YWHAH: variants seen among roughly 807,000 people sequenced by gnomAD.
YWHAH encodes the protein 14-3-3 protein eta.
In YWHAH, 6 loss-of-function variants were observed where a neutral mutation model predicts 22.9. That is an observed-to-expected ratio of 0.26 (90% confidence interval 0.14 to 0.52). YWHAH has a LOEUF of 0.52. Among genes scored for constraint, YWHAH ranks in the 20% least tolerant of loss-of-function variants. The probability of loss-of-function intolerance (pLI) is 0.97; values close to 1 mark genes in which losing one functional copy is unlikely to be tolerated. For missense variants in YWHAH, 173 were observed against 308.6 expected (o/e 0.56, Z 3.29); for synonymous variants, 135 against 124.5 (o/e 1.08, Z -0.56).
Position 31,944,724 on chromosome 22 carries a change from C to G in YWHAH, c.-10C>G. ...TGTGAGGCGCGAGGCGAGGCCGAGC[C>G]GCGAGCGACATGGGGGACCGGGAGC... On this transcript the variant is annotated 5_prime_UTR_variant, in exon 1 of 2. Coordinates refer to ENST00000248975, the MANE Select transcript of YWHAH (RefSeq NM_003405.4). 7.2e-7 allele frequency: 1 copy of G among 1,393,058 alleles called. No homozygotes were observed. Among genetic ancestry groups the G allele is most frequent in the Non-Finnish European group, 9.4e-7 (1 of 1,065,260 alleles). The allele number at this position is 1,393,058 out of a possible 1,614,324, so 86.3% of individuals were successfully genotyped here. A position where few individuals can be genotyped will look rare whatever the true frequency, so the allele number is the denominator to read the frequency against.
intron 1 of YWHAH, among the ~76,000 whole-genome samples, chr22:31,955,047 C>T (rs750798268): frequency 1.3e-5 from 2 of 152,174 alleles, no homozygotes; most frequent in African/African-American, 4.8e-5. Flanking sequence ...TTTAACTCTT[C>T]CACTTAAAAT....
rs767498575 is a variant in YWHAH at position 31,956,314 on chromosome 22, A to G, written c.263A>G (p.Lys88Arg). The G allele has an allele frequency of 1.9e-6, 3 of 1,614,198 alleles. No individual in the cohort carries two copies. In the South Asian group the frequency reaches 3.3e-5, roughly 18 times the overall value. ...GAGAAAGTTAAAGCTTACCGGGAGA[A>G]GATTGAGAAGGAGCTGGAGACAGTT... ...KLEKVKAYRE[K>R]IEKELETVCN... The change falls in exon 2 of 2, where the codon AAG becomes AGG. Residue 88 changes from lysine to arginine, a missense_variant. Coordinates refer to ENST00000248975, the MANE Select transcript of YWHAH (RefSeq NM_003405.4). The surrounding 1 kb of genome is among the most constrained non-coding windows in gnomAD (Gnocchi z 5.1).
At chr22:31,952,573 G>T (rs1044060973) in intron 1 of YWHAH, among the ~76,000 whole-genome samples, 1 of 152,110 alleles carries the variant, frequency 6.6e-6, no homozygotes, top group Admixed American at 6.5e-5. Flanking sequence ...TTATTTCCTA[G>T]TTAGGCTCTG....
rs1216140411 is a variant in YWHAH, at chr22:31,956,486, T to A, written c.435T>A (p.Ser145Arg). 3 of 1,614,184 alleles carry A rather than the reference T, an allele frequency of 1.9e-6. No individual in the cohort carries two copies. The change falls in exon 2 of 2, where the codon AGT becomes AGA. Residue 145 changes from serine to arginine, a missense_variant. Transcript: ENST00000248975. The surrounding 1 kb of genome is among the most constrained non-coding windows in gnomAD (Gnocchi z 5.1). ...TCGCTTCTGGGGAGAAGAAAAACAG[T>A]GTGGTCGAAGCTTCTGAAGCTGCCT... ...AEVASGEKKN[S>R]VVEASEAAYK...
At chr22:31,951,472 G>A (rs1054500194) in intron 1 of YWHAH, among the ~76,000 whole-genome samples, 1 of 152,120 alleles carries the variant, frequency 6.6e-6, no homozygotes, top group Non-Finnish European at 1.5e-5. Context: ...GCAGCTCGGG[G>A]GTGGCATTTT....
At chr22:31,949,834 G>A (rs1392277879) in intron 1 of YWHAH, among the ~76,000 whole-genome samples, 1 of 152,144 alleles carries the variant, frequency 6.6e-6, no homozygotes, top group African/African-American at 2.4e-5. Flanking sequence ...ATGAGGCAAA[G>A]GGATAATATG....
chr22:31,952,804 A>G (rs1694963835), intron 1 of YWHAH, among the ~76,000 whole-genome samples: 1 of 152,240 alleles, frequency 6.6e-6, no homozygotes, highest in South Asian at 2.1e-4. Flanking sequence ...GCTTACAGAT[A>G]CACCCAAACT....
intron 1 of YWHAH, chr22:31,945,078 G>T: frequency 9.1e-7 from 1 of 1,094,878 alleles, no homozygotes; most frequent in Non-Finnish European, 1.1e-6. Context: ...GGGGCGGGCC[G>T]GTCGGGGTCG....
At chr22:31,950,928 G>C (rs1030809628) in intron 1 of YWHAH, among the ~76,000 whole-genome samples, 1 of 152,072 alleles carries the variant, frequency 6.6e-6, no homozygotes, top group Non-Finnish European at 1.5e-5. Context: ...ACAGAGTCTT[G>C]CTCTGTCGCC....
chr22:31,946,635 G>T (rs1020169248), intron 1 of YWHAH, among the ~76,000 whole-genome samples: 17 of 152,208 alleles, frequency 1.1e-4, no homozygotes, highest in African/African-American at 3.9e-4. Context: ...TGGCTAGAAG[G>T]TGTGTTCTGG....
chr22:31,947,234 A>G (rs1364099171), intron 1 of YWHAH, among the ~76,000 whole-genome samples: 1 of 152,134 alleles, frequency 6.6e-6, no homozygotes, highest in East Asian at 1.9e-4. Flanking sequence ...TGTAGGGAGG[A>G]TGGAGCAGGA....
chr22:31,952,085 A>G (rs892419183), intron 1 of YWHAH, among the ~76,000 whole-genome samples: 2 of 152,228 alleles, frequency 1.3e-5, no homozygotes, highest in Non-Finnish European at 2.9e-5. Context: ...TCTTGGTGTT[A>G]GAGCGGAAAG....
chr22:31,945,618 A>G (rs2093833071), intron 1 of YWHAH: 3 of 1,298,110 alleles, frequency 2.3e-6, no homozygotes, highest in African/African-American at 3.0e-5. Context: ...GTCACACACC[A>G]CCTGCATTTC....
Position 31,956,043 on chromosome 22 carries a change from G to C in YWHAH, c.88-96G>C, listed in dbSNP as rs917577054. ...GAGTGACTGACCTGTTCGTAATTCCGTTCTTGAGAAGGATTGTTGATTATG... is the reference window on the plus strand; with the variant it reads ...GAGTGACTGACCTGTTCGTAATTCCCTTCTTGAGAAGGATTGTTGATTATG... On this transcript the variant is annotated intron_variant, in intron 1 of 1. Transcript: ENST00000248975. The surrounding 1 kb of genome is among the most constrained non-coding windows in gnomAD (Gnocchi z 5.1). 2.1e-6 allele frequency: 3 copies of C among 1,429,162 alleles called. No homozygotes were observed. In the African/African-American group the frequency reaches 4.3e-5, roughly 20 times the overall value. The allele number at this position is 1,429,162 out of a possible 1,614,324, so 88.5% of individuals were successfully genotyped here. A position where few individuals can be genotyped will look rare whatever the true frequency, so the allele number is the denominator to read the frequency against.
At chr22:31,954,506 G>C (rs1481085958) in intron 1 of YWHAH, among the ~76,000 whole-genome samples, 1 of 152,114 alleles carries the variant, frequency 6.6e-6, no homozygotes, top group East Asian at 1.9e-4. Flanking sequence ...GTTTCCTAGG[G>C]GGTGCTGAAC....
chr22:31,945,107 C>A, intron 1 of YWHAH: 1 of 1,075,996 alleles, frequency 9.3e-7, no homozygotes, highest in South Asian at 3.7e-5. Flanking sequence ...TAGTTCGGAA[C>A]CCGGCCGGGG....
chr22:31,956,144 A>G lies in YWHAH; in HGVS notation c.93A>G (p.Thr31=), dbSNP rs1440804211. The G allele has an allele frequency of 1.9e-6, 3 of 1,594,802 alleles. No individual in the cohort carries two copies. The highest frequency in any genetic ancestry group is 4.5e-5 in the East Asian group (2 of 44,662). Residue 31 remains threonine, a synonymous_variant, in exon 2 of 2, where the codon ACA becomes ACG. Coordinates refer to ENST00000248975, the MANE Select transcript of YWHAH (RefSeq NM_003405.4). This position sits in a 1 kb window ranked among gnomAD's most constrained non-coding sequence, Gnocchi z 5.1. ...ATCTTTTTGGGGTTTTGCAGGTGAC[A>G]GAGCTGAATGAACCTCTCTCCAATG... ...DDMASAMKAV[T]ELNEPLSNED...
At chr22:31,948,120 C>T (rs2093837637) in intron 1 of YWHAH, among the ~76,000 whole-genome samples, 1 of 152,166 alleles carries the variant, frequency 6.6e-6, no homozygotes. Flanking sequence ...TGTAGCCTCA[C>T]CTCCCCGAGT....
Position 31,956,529 on chromosome 22 carries a change from A to G in YWHAH, c.478A>G (p.Ile160Val). ...AGCTGCCTACAAGGAAGCCTTTGAA[A>G]TCAGCAAAGAGCAGATGCAACCCAC... is the stretch of plus-strand genomic sequence containing the variant. Reference protein sequence around the residue: ...SEAAYKEAFEISKEQMQPTHP... With the variant: ...SEAAYKEAFEVSKEQMQPTHP... Residue 160 changes from isoleucine (I) to valine (V), a missense_variant, in exon 2 of 2, where the codon ATC becomes GTC. Physicochemically the swap from Ile to Val is conservative, Grantham distance 29. Coordinates refer to ENST00000248975, the MANE Select transcript of YWHAH (RefSeq NM_003405.4). This position sits in a 1 kb window ranked among gnomAD's most constrained non-coding sequence, Gnocchi z 5.1. 1 of 1,614,218 alleles carries G rather than the reference A, an allele frequency of 6.2e-7. No homozygotes were observed. The highest frequency in any genetic ancestry group is 8.5e-7 in the Non-Finnish European group (1 of 1,180,034).
Sources: gnomAD v4.1 joint callset for allele counts (sites outside exome capture counted in the v4.1 genomes callset) on GRCh38, gnomAD v4.1.1 for gene constraint, Gnocchi (gnomAD v3.1) non-coding constraint, MANE v1.5 for transcripts, NCBI Gene and HGNC (gene_info 2026-07-23, HGNC 2026-07-21) for gene names.